BCAP29: variants seen among roughly 807,000 people sequenced by gnomAD.
BCAP29 encodes the protein B-cell receptor-associated protein 29.
In BCAP29, 34 loss-of-function variants were observed where a neutral mutation model predicts 31.8. That is an observed-to-expected ratio of 1.07 (90% CI 0.81 to 1.42). The LOEUF is 1.42. Among genes scored for constraint, BCAP29 ranks in the 40% most tolerant of loss-of-function variants. The pLI is 0.00. For synonymous variants in BCAP29, 104 were observed against 91.3 expected, an observed-to-expected ratio of 1.14 and a Z score of -0.79; for missense variants, 314 against 269.2, an observed-to-expected ratio of 1.17 and a Z score of -1.16.
chr7:107,594,920 G>T (rs536200833), intron 4 of BCAP29, among the ~76,000 whole-genome samples: 1 of 152,142 alleles, frequency 6.6e-6, no homozygotes, highest in African/African-American at 2.4e-5. Context: ...TTAGGCTCCT[G>T]CCTCTCTTTG....
chr7:107,605,913 A>G (rs78452482), intron 6 of BCAP29, among the ~76,000 whole-genome samples: 3,579 of 152,338 alleles, frequency 0.023, 143 homozygotes, highest in African/African-American at 0.081. Flanking sequence ...CTAAACTATT[A>G]ATAGTGGTTT....
intron 6 of BCAP29, among the ~76,000 whole-genome samples, chr7:107,606,249 T>A (rs565962204): frequency 6.6e-6 from 1 of 152,238 alleles, no homozygotes; most frequent in South Asian, 2.1e-4. Flanking sequence ...TGACTCTTTT[T>A]AGGCATAGTT....
At chr7:107,607,666 T>A (rs1335607598) in intron 6 of BCAP29, among the ~76,000 whole-genome samples, 1 of 147,782 alleles carries the variant, frequency 6.8e-6, no homozygotes, top group African/African-American at 2.5e-5. Flanking sequence ...AGACAGATTC[T>A]CCCTTTGTAG....
intron 5 of BCAP29, among the ~76,000 whole-genome samples, chr7:107,599,272 T>A (rs12386626): frequency 2.4e-5 from 2 of 84,210 alleles, no homozygotes; most frequent in Non-Finnish European, 4.4e-5. Context: ...ATATATATAT[T>A]TATATATAAT....
chr7:107,615,314 C>G (rs1585244318), intron 7 of BCAP29: 1 of 456,654 alleles, frequency 2.2e-6, no homozygotes, highest in East Asian at 7.0e-5. Context: ...AAGAGTGATT[C>G]CTGGCTGAGC....
At chr7:107,596,030 ATGT>A (rs773920615) in intron 5 of BCAP29, 28 bp downstream of exon 5, 5 of 1,540,532 alleles carry the variant, frequency 3.2e-6, no homozygotes, top group East Asian at 2.3e-5. Flanking sequence ...TAAAAATTAA[ATGT>A]TGTTGGTGTT....
intron 6 of BCAP29, among the ~76,000 whole-genome samples, chr7:107,611,787 T>C (rs536839838): frequency 8.5e-4 from 130 of 152,316 alleles, no homozygotes; most frequent in Non-Finnish European, 1.3e-3. Flanking sequence ...TATGCAGCTA[T>C]AGAAGGAACA....
intron 2 of BCAP29, among the ~76,000 whole-genome samples, chr7:107,583,476 T>C (rs1585034142): frequency 6.6e-6 from 1 of 152,156 alleles, no homozygotes; most frequent in Non-Finnish European, 1.5e-5. Context: ...TATGCAGAGT[T>C]AGACCCCACT....
chr7:107,583,088 G>T (rs1435454884), intron 2 of BCAP29, among the ~76,000 whole-genome samples: 1 of 151,804 alleles, frequency 6.6e-6, no homozygotes, highest in East Asian at 1.9e-4. Flanking sequence ...ACATTTTTCT[G>T]CCTCCTTTCA....
At chr7:107,592,131 TA>T (rs1028393650) in intron 3 of BCAP29, among the ~76,000 whole-genome samples, 1 of 152,038 alleles carries the variant, frequency 6.6e-6, no homozygotes, top group African/African-American at 2.4e-5. Flanking sequence ...GGCACCTTTT[TA>T]AAAAAGTATT....
chr7:107,608,270 T>C (rs1276125671), intron 6 of BCAP29, among the ~76,000 whole-genome samples: 3 of 152,180 alleles, frequency 2.0e-5, no homozygotes, highest in African/African-American at 7.2e-5. Flanking sequence ...TGTAAATTGT[T>C]TGGAATTCTA....
rs530260840 is a variant in BCAP29, at chr7:107,598,142, A to G, written c.480+2140A>G. ...AATCCACCTTTTCCAAGTCAATGGC[A>G]TGAAAATTCAAGCAGTCAGCGAAAA... On this transcript the variant is annotated intron_variant, in intron 5 of 7. Coordinates refer to ENST00000005259, the MANE Select transcript of BCAP29 (RefSeq NM_018844.4). Among the ~76,000 whole-genome samples the G allele has an allele frequency of 1.9e-4, 29 of 152,356 alleles. No homozygotes were observed. The South Asian group carries it at 5.6e-3, about 29-fold the overall frequency.
rs926142540 is a variant in BCAP29, at chr7:107,612,102, A to T, written c.590-1230A>T. ...CTTCTCAAGAGAAAAGATTGTTTAT[A>T]ACTGGAACCTATAATTTTATTTCAT... On this transcript the variant is annotated intron_variant, in intron 6 of 7. Coordinates refer to ENST00000005259, the MANE Select transcript of BCAP29 (RefSeq NM_018844.4). Among the ~76,000 whole-genome samples the T allele has an allele frequency of 2.8e-4, 43 of 152,102 alleles. 1 individual carries two copies. The highest frequency in any genetic ancestry group is 9.8e-4 in the Admixed American group (15 of 15,276).
At chr7:107,607,536 A>G (rs374313808) in intron 6 of BCAP29, among the ~76,000 whole-genome samples, 2 of 151,760 alleles carry the variant, frequency 1.3e-5, no homozygotes, top group South Asian at 4.2e-4. Flanking sequence ...ACTATATCAT[A>G]TTATTACAAC....
intron 6 of BCAP29, among the ~76,000 whole-genome samples, chr7:107,609,807 A>T (rs1426656445): frequency 2.6e-5 from 4 of 152,228 alleles, no homozygotes; most frequent in Non-Finnish European, 5.9e-5. Flanking sequence ...CACACTCTTG[A>T]ATTCTCAGAA....
intron 3 of BCAP29, among the ~76,000 whole-genome samples, chr7:107,586,557 T>TA (rs1807719864): frequency 6.6e-6 from 1 of 152,088 alleles, no homozygotes; most frequent in East Asian, 1.9e-4. Context: ...CGCAGTAACA[T>TA]ATGTAAAGTG....
upstream of BCAP29, chr7:107,580,127 A>G (rs1806293482): frequency 6.6e-6 from 1 of 152,178 alleles, no homozygotes; most frequent in African/African-American, 2.4e-5. Context: ...ACTGTTGCCA[A>G]TAAACGTGGT....
intron 3 of BCAP29, among the ~76,000 whole-genome samples, chr7:107,592,086 C>G (rs574213738): frequency 1.3e-5 from 2 of 151,948 alleles, no homozygotes; most frequent in South Asian, 4.2e-4. Context: ...CACACCCAGC[C>G]AGAATGTGAG....
At chr7:107,616,890 C>T (rs1172859062) in intron 7 of BCAP29, among the ~76,000 whole-genome samples, 1 of 152,150 alleles carries the variant, frequency 6.6e-6, no homozygotes, top group African/African-American at 2.4e-5. Flanking sequence ...AAGCACATGC[C>T]ACCATGCGCA....
Sources: gnomAD v4.1 joint callset for allele counts (sites outside exome capture counted in the v4.1 genomes callset) on GRCh38, gnomAD v4.1.1 for gene constraint, MANE v1.5 for transcripts, NCBI Gene and HGNC (gene_info 2026-07-23, HGNC 2026-07-21) for gene names.